The following LARGE1 variants were observed in gnomAD, a reference collection of about 807,000 sequenced individuals.
LARGE1 encodes LARGE xylosyl- and glucuronyltransferase 1, also known as xylosyl- and glucuronyltransferase LARGE1.
Under a neutral mutation model 87.6 loss-of-function variants are expected in LARGE1, and 43 were observed. That is an observed-to-expected ratio of 0.49 (90% CI 0.38 to 0.63). The LOEUF is 0.63. Among genes scored for constraint, LARGE1 ranks in the 30% least tolerant of loss-of-function variants. The probability of loss-of-function intolerance (pLI) is 0.00; values close to 1 mark genes in which losing one functional copy is unlikely to be tolerated. For synonymous variants in LARGE1, 434 were observed against 394.6 expected, an observed-to-expected ratio of 1.10 and a Z score of -1.18; for missense variants, 802 against 1,000.2, an observed-to-expected ratio of 0.80 and a Z score of 2.67.
At chr22:33,402,564 T>A (rs1022652551) in intron 7 of LARGE1, among the ~76,000 whole-genome samples, 1 of 152,196 alleles carries the variant, frequency 6.6e-6, no homozygotes, top group Admixed American at 6.5e-5. Context: ...TTGGGCAGGT[T>A]ACTTAATAAC....
At chr22:33,710,682 T>C (rs1046382376) in intron 2 of LARGE1, among the ~76,000 whole-genome samples, 1 of 152,228 alleles carries the variant, frequency 6.6e-6, no homozygotes, top group Non-Finnish European at 1.5e-5. Context: ...AAGGAATTCA[T>C]AACATTCCAA....
In LARGE1 at chr22:33,274,369, A is replaced by G. The variant is rs1928733249; in HGVS notation, c.*58T>C. On this transcript the variant is annotated 3_prime_UTR_variant, in exon 15 of 15. Transcript: ENST00000397394. ...TTTTGAATTTGAAGGCCGGGCCCCAAACAGCGAGTGGCACTTCCCCTACAG... is the reference window on the plus strand; with the variant it reads ...TTTTGAATTTGAAGGCCGGGCCCCAGACAGCGAGTGGCACTTCCCCTACAG... 3 of 1,564,160 alleles carry G rather than the reference A, an allele frequency of 1.9e-6. No individual in the cohort carries two copies. The highest frequency in any genetic ancestry group is 1.7e-5 in the Admixed American group (1 of 59,944).
intron 5 of LARGE1, among the ~76,000 whole-genome samples, chr22:33,591,681 T>C (rs1169757436): frequency 6.6e-6 from 1 of 151,850 alleles, no homozygotes; most frequent in Non-Finnish European, 1.5e-5. Flanking sequence ...TCAATTTTTT[T>C]CTTATTTAGT....
At chr22:33,110,817 G>T in the LARGE1 span, among the ~76,000 whole-genome samples, 2 of 152,128 alleles carry the variant, frequency 1.3e-5, no homozygotes, top group East Asian at 1.9e-4. Context: ...GGCAGATTTG[G>T]TCATCAGTCA....
At chr22:33,618,529 A>G (rs1328772188) in intron 4 of LARGE1, among the ~76,000 whole-genome samples, 2 of 152,234 alleles carry the variant, frequency 1.3e-5, no homozygotes, top group Non-Finnish European at 1.5e-5. Flanking sequence ...TGGTTTTAAT[A>G]TTTATGGGTA....
At chr22:33,252,407 C>A (rs929657649) in intron 11 of LARGE1, among the ~76,000 whole-genome samples, 1 of 152,064 alleles carries the variant, frequency 6.6e-6, no homozygotes, top group Non-Finnish European at 1.5e-5. Context: ...TTGACTTCAT[C>A]AACATGCATG....
chr22:33,752,030 C>T (rs1394227543), intron 2 of LARGE1, among the ~76,000 whole-genome samples: 1 of 152,182 alleles, frequency 6.6e-6, no homozygotes, highest in East Asian at 1.9e-4. Context: ...AATCTGCCTG[C>T]CTTGGCCTCC....
intron 2 of LARGE1, among the ~76,000 whole-genome samples, chr22:33,696,200 A>G (rs1045425322): frequency 1.3e-5 from 2 of 151,722 alleles, no homozygotes; most frequent in African/African-American, 4.8e-5. Flanking sequence ...TACAACTGCA[A>G]CTGAAGGGTC....
chr22:33,195,664 A>G (rs1924026305), intron 11 of LARGE1, among the ~76,000 whole-genome samples: 1 of 152,108 alleles, frequency 6.6e-6, no homozygotes, highest in Non-Finnish European at 1.5e-5. Context: ...TAGATGATAC[A>G]GCTAAGGCAA....
intron 1 of LARGE1, among the ~76,000 whole-genome samples, chr22:33,884,945 G>T (rs777406323): frequency 4.0e-5 from 6 of 150,182 alleles, no homozygotes; most frequent in African/African-American, 7.3e-5. Context: ...GGCTTTCCAT[G>T]GGGGGGAGGA....
At chr22:33,168,565 A>T (rs1922396228) in intron 11 of LARGE1, among the ~76,000 whole-genome samples, 2 of 148,166 alleles carry the variant, frequency 1.3e-5, no homozygotes, top group Non-Finnish European at 3.0e-5. Context: ...CGGTCTAATA[A>T]ACATAAAGCA....
intron 11 of LARGE1, among the ~76,000 whole-genome samples, chr22:33,264,221 G>A (rs1284011599): frequency 2.0e-5 from 3 of 152,240 alleles, no homozygotes; most frequent in Non-Finnish European, 4.4e-5. Flanking sequence ...AGGCTAGAGG[G>A]ATAGGTCTAG....
intron 9 of LARGE1, among the ~76,000 whole-genome samples, chr22:33,375,250 T>C (rs944024246): frequency 6.6e-6 from 1 of 152,248 alleles, no homozygotes; most frequent in East Asian, 1.9e-4. Context: ...TGGTAAACTA[T>C]ATATTTGTGA....
chr22:33,341,564 T>C (rs1601519674), intron 9 of LARGE1, among the ~76,000 whole-genome samples: 2 of 152,180 alleles, frequency 1.3e-5, no homozygotes, highest in East Asian at 3.9e-4. Context: ...AATACTGCTC[T>C]AGAAGACCAG....
At chr22:33,767,412 T>C (rs1030118484) in intron 1 of LARGE1, among the ~76,000 whole-genome samples, 3 of 149,536 alleles carry the variant, frequency 2.0e-5, no homozygotes, top group Non-Finnish European at 4.4e-5. Flanking sequence ...GTATAAAATA[T>C]ATATGCATAT....
At chr22:33,808,668 T>C (rs1452677609) in intron 1 of LARGE1, among the ~76,000 whole-genome samples, 1 of 152,220 alleles carries the variant, frequency 6.6e-6, no homozygotes, top group East Asian at 1.9e-4. Flanking sequence ...GCCGGATCAA[T>C]TTCACAGTGA....
At chr22:33,429,757 A>G (rs1434184069) in intron 7 of LARGE1, among the ~76,000 whole-genome samples, 1 of 152,056 alleles carries the variant, frequency 6.6e-6, no homozygotes, top group African/African-American at 2.4e-5. Flanking sequence ...CACCTCCATG[A>G]AAGCTTGGAG....
At chr22:33,740,928 G>A (rs145010565) in intron 2 of LARGE1, among the ~76,000 whole-genome samples, 1 of 152,272 alleles carries the variant, frequency 6.6e-6, no homozygotes, top group East Asian at 1.9e-4. Flanking sequence ...CTGACATTTG[G>A]GCCTGAGAGT....
At chr22:33,317,992 T>G (rs1176338370) in intron 10 of LARGE1, among the ~76,000 whole-genome samples, 2 of 151,920 alleles carry the variant, frequency 1.3e-5, no homozygotes, top group African/African-American at 4.8e-5. Flanking sequence ...ATCCCAGCAC[T>G]TTGGGAGGCT....
Sources: gnomAD v4.1 joint callset for allele counts (sites outside exome capture counted in the v4.1 genomes callset) on GRCh38, gnomAD v4.1.1 for gene constraint, MANE v1.5 for transcripts, NCBI Gene and HGNC (gene_info 2026-07-23, HGNC 2026-07-21) for gene names.